DYDC1: variants seen among roughly 807,000 people sequenced by gnomAD.
DYDC1 encodes the protein DPY30 domain containing 1, also known as DPY30 domain-containing protein 1.
Under a neutral mutation model 27.9 loss-of-function variants are expected in DYDC1, and 21 were observed. The ratio of observed to expected loss-of-function variants is 0.75; its 90% CI spans 0.53 to 1.08. The LOEUF (loss-of-function observed/expected upper bound fraction) is 1.08, where lower values mean the gene tolerates loss of function less well. Among genes scored for constraint, DYDC1 ranks in the 50% least tolerant of loss-of-function variants. The probability of loss-of-function intolerance (pLI) is 0.00; values close to 1 mark genes in which losing one functional copy is unlikely to be tolerated. For missense variants in DYDC1, 202 were observed against 205.9 expected (o/e 0.98, Z 0.12); for synonymous variants, 67 against 65.8 (o/e 1.02, Z -0.09).
intron 6 of DYDC1, chr10:80,337,132 G>T (rs1046948478): frequency 3.6e-5 from 35 of 985,260 alleles, no homozygotes; most frequent in Non-Finnish European, 4.0e-5. Context: ...AAAGCATTTT[G>T]CTGTCTCTTT....
Position 80,349,861 on chromosome 10 carries a change from GA to G in DYDC1, c.249+2039del, listed in dbSNP as rs377236529. Among the ~76,000 whole-genome samples, 390 of 152,134 alleles carry G rather than the reference GA, an allele frequency of 2.6e-3. 2 individuals carry two copies. The highest frequency in any genetic ancestry group is 9.0e-3 in the African/African-American group (374 of 41,514). On this transcript the variant is annotated intron_variant, in intron 3 of 6. Coordinates refer to ENST00000372202, the MANE Select transcript of DYDC1 (RefSeq NM_001269053.2). ...TACTTCAAAACTAAGCTCTTACATA[GA>G]AAATGGCAATAAAAATACTTCCCTG...
chr10:80,349,604 A>T (rs890859108), intron 3 of DYDC1, among the ~76,000 whole-genome samples: 1 of 152,246 alleles, frequency 6.6e-6, no homozygotes, highest in Non-Finnish European at 1.5e-5. Context: ...GTGATGGGGT[A>T]GGTAGCTGAA....
chr10:80,347,621 A>T (rs1842748898), intron 3 of DYDC1, among the ~76,000 whole-genome samples: 1 of 152,064 alleles, frequency 6.6e-6, no homozygotes, highest in African/African-American at 2.4e-5. Context: ...TTTTGAACTG[A>T]TTTTTGTGTA....
At chr10:80,339,503 A>T (rs1313247546) in intron 4 of DYDC1, among the ~76,000 whole-genome samples, 1 of 152,138 alleles carries the variant, frequency 6.6e-6, no homozygotes, top group Non-Finnish European at 1.5e-5. Context: ...TAAGGAGAAA[A>T]CCACACTTAA....
chr10:80,351,853 T>A (rs780704099), intron 3 of DYDC1, 48 bp downstream of exon 3: 2 of 1,556,782 alleles, frequency 1.3e-6, no homozygotes, highest in East Asian at 2.3e-5. Context: ...CATGCTGAGG[T>A]TGGCATCGTT....
Position 80,352,428 on chromosome 10 carries a change from A to T in DYDC1, c.147+27T>A, listed in dbSNP as rs1447672021. ...AGTTGGACCAGTTTTTTTTCTTCTA[A>T]TTTCCTAGAAGGAGATTCCTACTTA... On this transcript the variant is annotated intron_variant, in intron 2 of 6. Coordinates refer to ENST00000372202, the MANE Select transcript of DYDC1 (RefSeq NM_001269053.2). 4 of 1,535,690 alleles carry T rather than the reference A, an allele frequency of 2.6e-6. No homozygotes were observed. The Admixed American group carries it at 9.0e-5, about 35-fold the overall frequency.
chr10:80,337,328 T>C, intron 6 of DYDC1: 1 of 985,494 alleles, frequency 1.0e-6, no homozygotes, highest in Non-Finnish European at 1.2e-6. Flanking sequence ...TAGTGCCAAA[T>C]CATAGCTGAC....
chr10:80,352,135 A>G (rs1459490419), intron 2 of DYDC1, 133 bp from the exon 3 acceptor site: 3 of 821,864 alleles, frequency 3.7e-6, no homozygotes, highest in African/African-American at 3.4e-5. Flanking sequence ...TGTGGAAATG[A>G]TATAATAATT....
In DYDC1 at chr10:80,342,225, A is replaced by G. The variant is rs370833892; in HGVS notation, c.342+44T>C. 1.9e-6 allele frequency: 3 copies of G among 1,573,258 alleles called. No homozygotes were observed. The East Asian group carries it at 6.7e-5, about 35-fold the overall frequency. ...CTGAAATAAACAGTTTGAAGATTCT[A>G]GAGAGTTTTAAATAAAACTGACATT... On this transcript the variant is annotated intron_variant, in intron 4 of 6. Transcript: ENST00000372202.
Position 80,352,552 on chromosome 10 carries a change from C to T in DYDC1, c.50G>A (p.Gly17Asp). The T allele has an allele frequency of 1.2e-6, 2 of 1,613,556 alleles. No individual in the cohort carries two copies. The highest frequency in any genetic ancestry group is 1.7e-6 in the Non-Finnish European group (2 of 1,179,802). ...GCGAACTCTTGCCACTTCTGCAAGACCTTGAGTTAAACAGGCCCCAAGGTG... is the reference window on the plus strand; with the variant it reads ...GCGAACTCTTGCCACTTCTGCAAGATCTTGAGTTAAACAGGCCCCAAGGTG... ...QKHLGACLTQ[G>D]LAEVARVRPV... The change falls in exon 2 of 7, where the codon GGT (glycine) becomes GAT (aspartate). Residue 17 changes from glycine (G) to aspartate (D), a missense_variant. Transcript: ENST00000372202.
At chr10:80,350,196 G>A (rs1411434774) in intron 3 of DYDC1, among the ~76,000 whole-genome samples, 2 of 152,136 alleles carry the variant, frequency 1.3e-5, no homozygotes, top group African/African-American at 4.8e-5. Context: ...ACAATACTTA[G>A]GATTCAATGC....
intron 1 of DYDC1, among the ~76,000 whole-genome samples, chr10:80,353,977 G>A (rs1280563494): frequency 1.3e-4 from 20 of 152,022 alleles, no homozygotes; most frequent in African/African-American, 3.4e-4. Flanking sequence ...TTAGCTGGGC[G>A]TGGTGGCGGG....
At chr10:80,349,233 C>T (rs1210285497) in intron 3 of DYDC1, among the ~76,000 whole-genome samples, 1 of 152,206 alleles carries the variant, frequency 6.6e-6, no homozygotes, top group East Asian at 1.9e-4. Context: ...ATAGACCACA[C>T]TAACGCTGAA....
At chr10:80,338,937 C>T (rs148424542) in intron 5 of DYDC1, among the ~76,000 whole-genome samples, 160 bp downstream of exon 5, 1 of 152,254 alleles carries the variant, frequency 6.6e-6, no homozygotes. Flanking sequence ...TGCTTCAAAG[C>T]ACATTATTTG....
intron 3 of DYDC1, among the ~76,000 whole-genome samples, chr10:80,347,474 T>C (rs752031565): frequency 2.0e-5 from 3 of 152,136 alleles, no homozygotes; most frequent in Non-Finnish European, 4.4e-5. Context: ...TTTGTTTAGG[T>C]TTGCTTTTAT....
intron 1 of DYDC1, among the ~76,000 whole-genome samples, chr10:80,355,165 G>A (rs1192981930): frequency 6.6e-6 from 1 of 151,704 alleles, no homozygotes; most frequent in African/African-American, 2.4e-5. Flanking sequence ...GAAAGGCCCT[G>A]ATATAGGAAT....
Position 80,339,098 on chromosome 10 carries a change from T to G in DYDC1, c.398A>C (p.Glu133Ala), listed in dbSNP as rs757162188. ...LVRNEDILHSEEATLDSGKTL... is the reference protein window; with the variant it reads ...LVRNEDILHSAEATLDSGKTL... The stretch of plus-strand genomic sequence containing the variant: ...CATAGAATGACTTTTTCTTCTCACC[T>G]CTGAATGTAGAATATCTTCATTCCT... The change falls in exon 5 of 7, where the codon GAG (glutamate) becomes GCG (alanine). Residue 133 changes from glutamate to alanine, a missense_variant and splice_region_variant. Glu to Ala is a moderately radical substitution (Grantham distance 107). Transcript: ENST00000372202. The G allele has an allele frequency of 7.2e-7, 1 of 1,389,574 alleles. No individual in the cohort carries two copies. The highest frequency in any genetic ancestry group is 2.4e-5 in the Admixed American group (1 of 41,854). 86.1% of individuals were successfully genotyped at this position (1,389,574 alleles called of 1,614,324 possible). A position where few individuals can be genotyped will look rare whatever the true frequency, so the allele number is the denominator to read the frequency against.
chr10:80,339,055 TC>T, intron 5 of DYDC1, 41 bp downstream of exon 5: 1 of 1,118,706 alleles, frequency 8.9e-7, no homozygotes, highest in South Asian at 1.6e-5. Flanking sequence ...TCTAGGATAC[TC>T]AATTCATTTC....
Position 80,352,533 on chromosome 10 carries a change from T to C in DYDC1, c.69A>G (p.Arg23=), listed in dbSNP as rs1293407914. Residue 23 remains arginine (R), a synonymous_variant, in exon 2 of 7, where the codon AGA becomes AGG. Transcript: ENST00000372202. The part of the protein sequence containing the change: ...CLTQGLAEVA[R]VRPVDPIEYL... Reference sequence around the variant, plus strand: ...ATTCTATCGGATCCACTGGGCGAACTCTTGCCACTTCTGCAAGACCTTGAG... The same window carrying C: ...ATTCTATCGGATCCACTGGGCGAACCCTTGCCACTTCTGCAAGACCTTGAG... The C allele has an allele frequency of 1.9e-6, 3 of 1,613,656 alleles. No homozygotes were observed. The highest frequency in any genetic ancestry group is 2.5e-6 in the Non-Finnish European group (3 of 1,179,896).
Sources: gnomAD v4.1 joint callset for allele counts (sites outside exome capture counted in the v4.1 genomes callset) on GRCh38, gnomAD v4.1.1 for gene constraint, MANE v1.5 for transcripts, NCBI Gene and HGNC (gene_info 2026-07-23, HGNC 2026-07-21) for gene names.